PCBP3: variants seen among roughly 807,000 people sequenced by gnomAD.
The protein encoded by PCBP3 is poly(rC)-binding protein 3.
A neutral mutation model predicts 52.7 loss-of-function variants in PCBP3; 25 were observed. The observed-to-expected ratio is 0.47, with a 90% CI of 0.35 to 0.66. The LOEUF is 0.66. PCBP3 is among the 30% of genes least tolerant of loss of function. The pLI is 0.01. For synonymous variants in PCBP3, 162 were observed against 183.0 expected, an observed-to-expected ratio of 0.89 and a Z score of 0.93; for missense variants, 391 against 490.3, an observed-to-expected ratio of 0.80 and a Z score of 1.91.
At position 45,911,499 on chromosome 21, in the gene PCBP3, G is replaced by A. The variant is rs115512418; in HGVS notation, c.600+469G>A. Among the ~76,000 whole-genome samples, 276 of 152,238 alleles carry A rather than the reference G, an allele frequency of 1.8e-3. 2 individuals are homozygous for A. The highest frequency in any genetic ancestry group is 6.1e-3 in the African/African-American group (253 of 41,536). On this transcript the variant is annotated intron_variant, in intron 11 of 17. Coordinates refer to ENST00000681687, the MANE Select transcript of PCBP3 (RefSeq NM_001384156.1). ...GTGGAGGAACAGAGGTCAAAACTCGGGAAAACATACAAAACTCATGCAGAA... is the reference window on the plus strand; with the variant it reads ...GTGGAGGAACAGAGGTCAAAACTCGAGAAAACATACAAAACTCATGCAGAA...
rs1472028460 is a variant in PCBP3 at position 45,917,762 on chromosome 21, G to A, written c.717+133G>A. On this transcript the variant is annotated intron_variant, in intron 13 of 17. Coordinates refer to ENST00000681687, the MANE Select transcript of PCBP3 (RefSeq NM_001384156.1). The surrounding 1 kb of genome is among the most constrained non-coding windows in gnomAD (Gnocchi z 5.3). ...ATCAACTTCTCAGCGTTCCTGACCT[G>A]TGTCGTATCCATATGACCTCGAATA... 1 of 800,602 alleles carries A rather than the reference G, an allele frequency of 1.2e-6. No individual in the cohort carries two copies. The highest frequency in any genetic ancestry group is 2.2e-6 in the Non-Finnish European group (1 of 457,122). The allele number at this position is 800,602 out of a possible 1,614,324, so 49.6% of individuals were successfully genotyped here.
chr21:45,850,484 A>C (rs947488807), intron 5 of PCBP3, among the ~76,000 whole-genome samples: 3 of 152,132 alleles, frequency 2.0e-5, no homozygotes, highest in Non-Finnish European at 4.4e-5. Flanking sequence ...TAATGAGAGC[A>C]TCAGGAGTGG....
In PCBP3 at chr21:45,817,010, A is replaced by G. The variant is rs1345961789; in HGVS notation, c.-125-32951A>G. Reference sequence around the variant, plus strand: ...GATGGGACTTTTCAGCTCCATTCTAATTTTAAGGGACGGCTGTGGTATATG... The same window carrying G: ...GATGGGACTTTTCAGCTCCATTCTAGTTTTAAGGGACGGCTGTGGTATATG... On this transcript the variant is annotated intron_variant, in intron 4 of 17. Coordinates refer to ENST00000681687, the MANE Select transcript of PCBP3 (RefSeq NM_001384156.1). The surrounding 1 kb of genome is among the most constrained non-coding windows in gnomAD (Gnocchi z 4.3). Among the ~76,000 whole-genome samples the G allele has an allele frequency of 6.6e-6, 1 of 152,050 alleles. No homozygotes were observed. Among genetic ancestry groups the G allele is most frequent in the Non-Finnish European group, 1.5e-5 (1 of 67,996 alleles).
At chr21:45,912,794 C>T in intron 11 of PCBP3, among the ~76,000 whole-genome samples, 1 of 152,150 alleles carries the variant, frequency 6.6e-6, no homozygotes, top group South Asian at 2.1e-4. Context: ...GCAGCGGCTC[C>T]CGTCTACCTC....
At chr21:45,752,826 A>G (rs950667689) in intron 3 of PCBP3, 1 of 151,802 alleles carries the variant, frequency 6.6e-6, no homozygotes, top group Non-Finnish European at 1.5e-5. Flanking sequence ...AAGCTTAATA[A>G]TCTTGTCTTT....
intron 5 of PCBP3, among the ~76,000 whole-genome samples, chr21:45,854,935 T>C (rs543698323): frequency 2.0e-5 from 3 of 152,330 alleles, no homozygotes; most frequent in African/African-American, 4.8e-5. Flanking sequence ...CGATCTCTCC[T>C]GCCTGAGTTC....
intron 4 of PCBP3, among the ~76,000 whole-genome samples, chr21:45,822,940 C>T (rs979477679): frequency 5.3e-5 from 8 of 152,120 alleles, no homozygotes; most frequent in East Asian, 3.9e-4. Flanking sequence ...CCCATGGTAT[C>T]GGGCACACCC....
intron 2 of PCBP3, among the ~76,000 whole-genome samples, chr21:45,723,280 G>A (rs1397147682): frequency 1.3e-5 from 2 of 152,162 alleles, no homozygotes; most frequent in East Asian, 3.9e-4. Context: ...TCTGGGGCAG[G>A]CCTCTGAAGA....
chr21:45,651,399 C>G (rs1381591558), intron 1 of PCBP3, among the ~76,000 whole-genome samples: 1 of 152,120 alleles, frequency 6.6e-6, no homozygotes, highest in East Asian at 1.9e-4. Context: ...AGTAGAAGAT[C>G]AACATTATCC....
chr21:45,917,304 C>G lies in PCBP3; in HGVS notation c.676-284C>G, dbSNP rs1049522495. ...GGCAGATCACTCTTCGATTCTTTTG[C>G]TTTAAGAAACTTGGAGTCGGAAGCA... On this transcript the variant is annotated intron_variant, in intron 12 of 17. Coordinates refer to ENST00000681687, the MANE Select transcript of PCBP3 (RefSeq NM_001384156.1). This position sits in a 1 kb window ranked among gnomAD's most constrained non-coding sequence, Gnocchi z 5.3. The G allele has an allele frequency of 2.7e-6, 1 of 375,148 alleles. No individual in the cohort carries two copies. The highest frequency in any genetic ancestry group is 4.8e-6 in the Non-Finnish European group (1 of 206,394). The allele number at this position is 375,148 out of a possible 1,614,324, so 23.2% of individuals were successfully genotyped here.
chr21:45,802,643 CAGG>C lies in PCBP3; in HGVS notation c.-126+47195_-126+47197del, dbSNP rs896958560. 6.6e-6 allele frequency among the ~76,000 whole-genome samples: 1 copy of C among 152,078 alleles called. No individual in the cohort carries two copies. Among genetic ancestry groups the C allele is most frequent in the Non-Finnish European group, 1.5e-5 (1 of 68,006 alleles). ...GAGGATGGTGGGGCTCTAAGCAGGG[CAGG>C]AGGTCAGATTGTGTGTTTGGGATGT... is the stretch of plus-strand genomic sequence containing the variant. On this transcript the variant is annotated intron_variant, in intron 4 of 17. Transcript: ENST00000681687. This position sits in a 1 kb window ranked among gnomAD's most constrained non-coding sequence, Gnocchi z 5.1.
intron 2 of PCBP3, among the ~76,000 whole-genome samples, chr21:45,688,356 C>A (rs1156837655): frequency 6.6e-6 from 1 of 152,078 alleles, no homozygotes; most frequent in African/African-American, 2.4e-5. Flanking sequence ...AATTAGAAAT[C>A]AATAATAAGG....
At chr21:45,721,620 T>TGTA (rs1569151017) in intron 2 of PCBP3, among the ~76,000 whole-genome samples, 1 of 152,168 alleles carries the variant, frequency 6.6e-6, no homozygotes, top group Non-Finnish European at 1.5e-5. Flanking sequence ...GACACCAGAA[T>TGTA]TTCTTATCTA....
At chr21:45,886,112 TCA>T (rs1247660193) in intron 5 of PCBP3, among the ~76,000 whole-genome samples, 2 of 90,870 alleles carry the variant, frequency 2.2e-5, no homozygotes, top group Non-Finnish European at 5.6e-5. Flanking sequence ...GGAGGAGGCC[TCA>T]TTGCCGCTGG....
rs553639593 is a variant in PCBP3 at position 45,778,904 on chromosome 21, G to A, written c.-126+23452G>A. On this transcript the variant is annotated intron_variant, in intron 4 of 17. Transcript: ENST00000681687. Reference sequence around the variant, plus strand: ...AGCAGCTGCACTGATCCCTGCCACTGGAGCAGGTGGGTCCATCCTTGGTGG... The same window carrying A: ...AGCAGCTGCACTGATCCCTGCCACTAGAGCAGGTGGGTCCATCCTTGGTGG... Among the ~76,000 whole-genome samples, 31 of 152,292 alleles carry A rather than the reference G, an allele frequency of 2.0e-4. No homozygotes were observed. In the South Asian group the frequency reaches 6.4e-3, roughly 32 times the overall value.
chr21:45,678,763 G>A (rs941588000), intron 2 of PCBP3, among the ~76,000 whole-genome samples: 8 of 151,898 alleles, frequency 5.3e-5, no homozygotes, highest in South Asian at 4.2e-4. Context: ...ACAACAAAGG[G>A]TTTAGAATAT....
At chr21:45,803,997 A>T (rs937565583) in intron 4 of PCBP3, among the ~76,000 whole-genome samples, 1 of 152,184 alleles carries the variant, frequency 6.6e-6, no homozygotes, top group African/African-American at 2.4e-5. Flanking sequence ...CTGGCACTGA[A>T]CATCCTTGAG....
chr21:45,905,654 T>C (rs952710655), intron 9 of PCBP3, among the ~76,000 whole-genome samples: 5 of 152,216 alleles, frequency 3.3e-5, no homozygotes, highest in Admixed American at 2.0e-4. Flanking sequence ...TCTCTTTGGC[T>C]TGCAGATGCC....
intron 9 of PCBP3, among the ~76,000 whole-genome samples, chr21:45,905,738 A>C (rs2096186847): frequency 6.6e-6 from 1 of 152,210 alleles, no homozygotes; most frequent in Non-Finnish European, 1.5e-5. Flanking sequence ...CAAGGACACC[A>C]GTCAGATTAC....
Sources: gnomAD v4.1 joint callset for allele counts (sites outside exome capture counted in the v4.1 genomes callset) on GRCh38, gnomAD v4.1.1 for gene constraint, Gnocchi (gnomAD v3.1) non-coding constraint, MANE v1.5 for transcripts, NCBI Gene and HGNC (gene_info 2026-07-23, HGNC 2026-07-21) for gene names.